Variants in HBQ1 observed in about 807,000 individuals in gnomAD.
HBQ1 encodes the protein hemoglobin subunit theta-1.
A neutral mutation model predicts 8.2 loss-of-function variants in HBQ1; 9 were observed. The observed-to-expected ratio is 1.10, with a 90% CI of 0.66 to 1.92. The LOEUF (loss-of-function observed/expected upper bound fraction) is 1.92. Among genes scored for constraint, HBQ1 ranks in the 40% most tolerant of loss-of-function variants. The probability of loss-of-function intolerance (pLI) is 0.00; values close to 1 mark genes in which losing one functional copy is unlikely to be tolerated. For missense variants in HBQ1, 216 were observed against 189.3 expected, an observed-to-expected ratio of 1.14 and a Z score of -0.83; for synonymous variants, 102 against 100.0, an observed-to-expected ratio of 1.02 and a Z score of -0.12.
rs750864268 is a variant in HBQ1, at chr16:181,039, C to G, written c.360C>G (p.Pro120=). Residue 120 remains proline (P), a synonymous_variant, in exon 3 of 3, where the codon CCC becomes CCG. Coordinates refer to ENST00000199708, the MANE Select transcript of HBQ1 (RefSeq NM_005331.5). ...LARHYPGDFS[P]ALQASLDKFL... is the part of the protein sequence containing the mutation. The stretch of plus-strand genomic sequence containing the variant: ...GGCACTACCCCGGAGACTTCAGCCC[C>G]GCGCTGCAGGCGTCGCTGGACAAGT... The G allele has an allele frequency of 6.2e-7, 1 of 1,613,162 alleles. No homozygotes were observed. Among genetic ancestry groups the G allele is most frequent in the South Asian group, 1.1e-5 (1 of 91,000 alleles).
rs746828470 is a variant in HBQ1 at position 180,585 on chromosome 16, C to CG, written c.95+6dup. ...ACACGACAGAGGCCCTGGAAAGGTG[C>CG]GGCAGGCTGGGCGCCCCCGCCCCCA... On this transcript the variant is annotated splice_donor_region_variant and intron_variant, in intron 1 of 2. Transcript: ENST00000199708. The CG allele has an allele frequency of 9.7e-6, 15 of 1,539,256 alleles. No homozygotes were observed. The African/African-American group carries it at 1.8e-4, about 18-fold the overall frequency.
chr16:180,459 G>T lies in HBQ1; in HGVS notation c.-28G>T. Reference sequence around the variant, plus strand: ...CGGTCCGCGCAGGCGCAGCGGGGTCGCAGGGCGCGGCGGGTTCCAGCGCGG... The same window carrying T: ...CGGTCCGCGCAGGCGCAGCGGGGTCTCAGGGCGCGGCGGGTTCCAGCGCGG... On this transcript the variant is annotated 5_prime_UTR_variant, in exon 1 of 3. Transcript: ENST00000199708. 4.3e-6 allele frequency: 6 copies of T among 1,388,032 alleles called. No homozygotes were observed. The highest frequency in any genetic ancestry group is 5.7e-6 in the Non-Finnish European group (6 of 1,057,908). 86.0% of individuals were successfully genotyped at this position (1,388,032 alleles called of 1,614,324 possible). A position where few individuals can be genotyped will look rare whatever the true frequency, so the allele number is the denominator to read the frequency against.
chr16:180,598 G>A lies in HBQ1; in HGVS notation c.95+17G>A, dbSNP rs1228088126. 3 of 1,532,046 alleles carry A rather than the reference G, an allele frequency of 2.0e-6. No individual in the cohort carries two copies. The highest frequency in any genetic ancestry group is 8.8e-7 in the Non-Finnish European group (1 of 1,138,476). 94.9% of individuals were successfully genotyped at this position (1,532,046 alleles called of 1,614,324 possible). A position where few individuals can be genotyped will look rare whatever the true frequency, so the allele number is the denominator to read the frequency against. ...CCTGGAAAGGTGCGGCAGGCTGGGC[G>A]CCCCCGCCCCCAGGGGCCCTCCCTC... is the stretch of plus-strand genomic sequence containing the variant. On this transcript the variant is annotated intron_variant, in intron 1 of 2. Transcript: ENST00000199708.
Position 180,515 on chromosome 16 carries a change from T to C in HBQ1, c.29T>C (p.Leu10Pro). 6.5e-7 allele frequency: 1 copy of C among 1,531,392 alleles called. No individual in the cohort carries two copies. The highest frequency in any genetic ancestry group is 1.4e-5 in the African/African-American group (1 of 71,722). The allele number at this position is 1,531,392 out of a possible 1,614,324, so 94.9% of individuals were successfully genotyped here. MALSAEDRA[L>P]VRALWKKLGS... ...GCGCTGTCCGCGGAGGACCGGGCGC[T>C]GGTGCGCGCCCTGTGGAAGAAGCTG... Residue 10 changes from leucine (L) to proline (P), a missense_variant, in exon 1 of 3, where the codon CTG becomes CCG. Transcript: ENST00000199708.
chr16:180,602 C>A (rs1206448314), intron 1 of HBQ1, 21 bp downstream of exon 1: 1 of 1,534,184 alleles, frequency 6.5e-7, no homozygotes, highest in Admixed American at 2.0e-5. Flanking sequence ...CTGGGCGCCC[C>A]CGCCCCCAGG....
In HBQ1 at chr16:180,698, A is replaced by C. The variant is rs756374513; in HGVS notation, c.128A>C (p.Tyr43Ser). The C allele has an allele frequency of 3.8e-6, 6 of 1,595,546 alleles. No homozygotes were observed. In the African/African-American group the frequency reaches 6.7e-5, roughly 18 times the overall value. Reference sequence around the variant, plus strand: ...CTGGCTTTCCCCGCCACGAAGACCTACTTCTCCCACCTGGACCTGAGCCCC... The same window carrying C: ...CTGGCTTTCCCCGCCACGAAGACCTCCTTCTCCCACCTGGACCTGAGCCCC... ...TFLAFPATKT[Y>S]FSHLDLSPGS... is the part of the protein sequence containing the mutation. Residue 43 changes from tyrosine to serine, a missense_variant, in exon 2 of 3, where the codon TAC becomes TCC. Tyr to Ser is a moderately radical substitution (Grantham distance 144). Coordinates refer to ENST00000199708, the MANE Select transcript of HBQ1 (RefSeq NM_005331.5).
chr16:181,096 C>T lies in HBQ1; in HGVS notation c.417C>T (p.Ser139=), dbSNP rs1182886800. The T allele has an allele frequency of 2.3e-5, 37 of 1,613,180 alleles. No homozygotes were observed. The highest frequency in any genetic ancestry group is 2.9e-5 in the Non-Finnish European group (34 of 1,179,858). The change falls in exon 3 of 3, where the codon TCC becomes TCT. Residue 139 remains serine (S), a synonymous_variant. Coordinates refer to ENST00000199708, the MANE Select transcript of HBQ1 (RefSeq NM_005331.5). ...GCCACGTTATCTCGGCGCTGGTTTCCGAGTACCGCTGAACTGTGGGTGGGT... is the reference window on the plus strand; with the variant it reads ...GCCACGTTATCTCGGCGCTGGTTTCTGAGTACCGCTGAACTGTGGGTGGGT... The part of the protein sequence containing the change: ...FLSHVISALV[S]EYR
chr16:181,168 C>T lies in HBQ1; in HGVS notation c.*60C>T, dbSNP rs3929997. The T allele has an allele frequency of 0.033, 52,183 of 1,584,570 alleles. 1,033 individuals carry two copies. Among genetic ancestry groups the T allele is most frequent in the South Asian group, 0.07 (6,200 of 89,128 alleles). On this transcript the variant is annotated 3_prime_UTR_variant, in exon 3 of 3. Transcript: ENST00000199708. ...CCTTCCCCGTGTTTGAGTAAAGCCTCTCCCAGGAGCAGCCTTCTTGCCGTG... is the reference window on the plus strand; with the variant it reads ...CCTTCCCCGTGTTTGAGTAAAGCCTTTCCCAGGAGCAGCCTTCTTGCCGTG...
chr16:180,700 T>G lies in HBQ1; in HGVS notation c.130T>G (p.Phe44Val), dbSNP rs1318052248. The change falls in exon 2 of 3, where the codon TTC (phenylalanine) becomes GTC (valine). Residue 44 changes from phenylalanine (F) to valine (V), a missense_variant. Coordinates refer to ENST00000199708, the MANE Select transcript of HBQ1 (RefSeq NM_005331.5). ...FLAFPATKTY[F>V]SHLDLSPGSS... ...GGCTTTCCCCGCCACGAAGACCTAC[T>G]TCTCCCACCTGGACCTGAGCCCCGG... The G allele has an allele frequency of 1.3e-6, 2 of 1,592,758 alleles. No individual in the cohort carries two copies. Among genetic ancestry groups the G allele is most frequent in the Admixed American group, 1.7e-5 (1 of 58,956 alleles).
In HBQ1 at chr16:181,137, A is replaced by G; in HGVS notation, c.*29A>G. On this transcript the variant is annotated 3_prime_UTR_variant, in exon 3 of 3. Transcript: ENST00000199708. Reference sequence around the variant, plus strand: ...GTGGGTGGGTGGCCGCGGGATCCCCAGGCGACCTTCCCCGTGTTTGAGTAA... The same window carrying G: ...GTGGGTGGGTGGCCGCGGGATCCCCGGGCGACCTTCCCCGTGTTTGAGTAA... 6.2e-7 allele frequency: 1 copy of G among 1,610,974 alleles called. No individual in the cohort carries two copies. Among genetic ancestry groups the G allele is most frequent in the Non-Finnish European group, 8.5e-7 (1 of 1,178,786 alleles).
chr16:180,573 C>T lies in HBQ1; in HGVS notation c.87C>T (p.Ala29=). 6.5e-7 allele frequency: 1 copy of T among 1,541,448 alleles called. No individual in the cohort carries two copies. Among genetic ancestry groups the T allele is most frequent in the Non-Finnish European group, 8.7e-7 (1 of 1,145,692 alleles). Residue 29 remains alanine, a synonymous_variant, in exon 1 of 3, where the codon GCC becomes GCT. Coordinates refer to ENST00000199708, the MANE Select transcript of HBQ1 (RefSeq NM_005331.5). ...ACGTCGGCGTCTACACGACAGAGGCCCTGGAAAGGTGCGGCAGGCTGGGCG... is the reference window on the plus strand; with the variant it reads ...ACGTCGGCGTCTACACGACAGAGGCTCTGGAAAGGTGCGGCAGGCTGGGCG... The part of the protein sequence containing the change: ...GSNVGVYTTE[A]LERTFLAFPA...
At position 180,850 on chromosome 16, in the gene HBQ1, G is replaced by A. The variant is rs1253609444; in HGVS notation, c.280G>A (p.Val94Met). 6.5e-7 allele frequency: 1 copy of A among 1,540,674 alleles called. No homozygotes were observed. Among genetic ancestry groups the A allele is most frequent in the Admixed American group, 1.9e-5 (1 of 51,520 alleles). ...CCACCTGCACGCGTGCCAGCTGCGA[G>A]TGGACCCGGCCAGCTTCCAGGTGAG... ...LSHLHACQLR[V>M]DPASFQLLGH... The change falls in exon 2 of 3, where the codon GTG (valine) becomes ATG (methionine). Residue 94 changes from valine (V) to methionine (M), a missense_variant. Coordinates refer to ENST00000199708, the MANE Select transcript of HBQ1 (RefSeq NM_005331.5).
At position 180,594 on chromosome 16, in the gene HBQ1, G is replaced by A; in HGVS notation, c.95+13G>A. The A allele has an allele frequency of 6.5e-7, 1 of 1,537,730 alleles. No homozygotes were observed. Among genetic ancestry groups the A allele is most frequent in the Non-Finnish European group, 8.8e-7 (1 of 1,142,768 alleles). On this transcript the variant is annotated intron_variant, in intron 1 of 2. Coordinates refer to ENST00000199708, the MANE Select transcript of HBQ1 (RefSeq NM_005331.5). ...AGGCCCTGGAAAGGTGCGGCAGGCTGGGCGCCCCCGCCCCCAGGGGCCCTC... is the reference window on the plus strand; with the variant it reads ...AGGCCCTGGAAAGGTGCGGCAGGCTAGGCGCCCCCGCCCCCAGGGGCCCTC...
intron 1 of HBQ1, 29 bp downstream of exon 1, chr16:180,610 A>AC: frequency 4.3e-6 from 6 of 1,408,778 alleles, no homozygotes; most frequent in African/African-American, 1.4e-5. Context: ...CCCCGCCCCC[A>AC]GGGGCCCTCC....
chr16:180,657 C>G lies in HBQ1; in HGVS notation c.96-9C>G, dbSNP rs1353363879. 1 of 1,555,692 alleles carries G rather than the reference C, an allele frequency of 6.4e-7. No homozygotes were observed. Among genetic ancestry groups the G allele is most frequent in the African/African-American group, 1.4e-5 (1 of 73,352 alleles). ...CCCCGGACGCGCCTCACCCACGTTC[C>G]TCTCGCAGGACCTTCCTGGCTTTCC... On this transcript the variant is annotated splice_polypyrimidine_tract_variant and intron_variant, in intron 1 of 2. Transcript: ENST00000199708.
Position 180,885 on chromosome 16 carries a change from T to C in HBQ1, c.300+15T>C. The C allele has an allele frequency of 1.3e-6, 2 of 1,527,020 alleles. No individual in the cohort carries two copies. The highest frequency in any genetic ancestry group is 1.9e-4 in the Middle Eastern group (1 of 5,342). The allele number at this position is 1,527,020 out of a possible 1,614,324, so 94.6% of individuals were successfully genotyped here. On this transcript the variant is annotated intron_variant, in intron 2 of 2. Coordinates refer to ENST00000199708, the MANE Select transcript of HBQ1 (RefSeq NM_005331.5). ...CCAGCTTCCAGGTGAGCGGCTGCCGTGCTGGGCCCCTGTCCCCGGGAGGGC... is the reference window on the plus strand; with the variant it reads ...CCAGCTTCCAGGTGAGCGGCTGCCGCGCTGGGCCCCTGTCCCCGGGAGGGC...
intron 2 of HBQ1, 52 bp downstream of exon 2, chr16:180,922 G>T: frequency 6.7e-7 from 1 of 1,503,686 alleles, no homozygotes; most frequent in Non-Finnish European, 8.9e-7. Flanking sequence ...CCGGCGGGGT[G>T]GGTGCGGGGG....
chr16:180,553 G>A lies in HBQ1; in HGVS notation c.67G>A (p.Gly23Ser). 2 of 1,540,382 alleles carry A rather than the reference G, an allele frequency of 1.3e-6. No homozygotes were observed. The highest frequency in any genetic ancestry group is 1.7e-6 in the Non-Finnish European group (2 of 1,145,956). ...ALWKKLGSNV[G>S]VYTTEALERT... ...GTGGAAGAAGCTGGGCAGCAACGTCGGCGTCTACACGACAGAGGCCCTGGA... is the reference window on the plus strand; with the variant it reads ...GTGGAAGAAGCTGGGCAGCAACGTCAGCGTCTACACGACAGAGGCCCTGGA... Residue 23 changes from glycine to serine, a missense_variant, in exon 1 of 3, where the codon GGC becomes AGC. Transcript: ENST00000199708.
At position 180,806 on chromosome 16, in the gene HBQ1, ACGCGCTGTC is replaced by A; in HGVS notation, c.244_252del (p.Ala83_Ser85del). On this transcript the variant is annotated inframe_deletion, in exon 2 of 3. Coordinates refer to ENST00000199708, the MANE Select transcript of HBQ1 (RefSeq NM_005331.5). The stretch of plus-strand genomic sequence containing the variant: ...GTGGAGCGCCTGGACGACCTACCCC[ACGCGCTGTC>A]CGCGCTGAGCCACCTGCACGCGTGC... 1 of 1,557,794 alleles carries A rather than the reference ACGCGCTGTC, an allele frequency of 6.4e-7. No individual in the cohort carries two copies. Among genetic ancestry groups the A allele is most frequent in the South Asian group, 1.2e-5 (1 of 86,012 alleles).
Sources: allele counts gnomAD v4.1 joint callset, GRCh38; gene constraint gnomAD v4.1.1; transcripts MANE v1.5; gene names NCBI Gene and HGNC (gene_info 2026-07-23, HGNC 2026-07-21).